CSMD1: variants seen among roughly 807,000 people sequenced by gnomAD.
CSMD1 encodes CUB and Sushi multiple domains 1, also known as CUB and sushi domain-containing protein 1.
Under a neutral mutation model 417.5 loss-of-function variants are expected in CSMD1, and 213 were observed. The ratio of observed to expected loss-of-function variants is 0.51; its 90% confidence interval spans 0.46 to 0.57. The LOEUF is 0.57. Among genes scored for constraint, CSMD1 ranks in the 20% least tolerant of loss-of-function variants. CSMD1 has a pLI of 0.00. For missense variants in CSMD1, 6,923 were observed against 4,529.7 expected (o/e 1.53, Z -15.17); for synonymous variants, 2,862 against 1,736.8 (o/e 1.65, Z -16.11).
At chr8:4,181,672 T>A (rs1000822061) in intron 3 of CSMD1, among the ~76,000 whole-genome samples, 1 of 152,182 alleles carries the variant, frequency 6.6e-6, no homozygotes, top group Admixed American at 6.5e-5. Flanking sequence ...CAGAATAATA[T>A]TGACTCAATT....
chr8:4,520,388 T>A (rs1208486914), intron 2 of CSMD1, among the ~76,000 whole-genome samples: 2 of 152,306 alleles, frequency 1.3e-5, no homozygotes, highest in East Asian at 1.9e-4. Context: ...TTTCTTCATA[T>A]AATGTTGGCT....
intron 1 of CSMD1, among the ~76,000 whole-genome samples, chr8:4,711,342 T>C (rs1012372740): frequency 5.9e-5 from 9 of 152,196 alleles, no homozygotes; most frequent in African/African-American, 1.9e-4. Context: ...GTTTTGACTA[T>C]TTATTGATAG....
intron 23 of CSMD1, among the ~76,000 whole-genome samples, chr8:3,308,732 G>GTTTTTTTTTTTTTTTTTTTTTTTTT (rs5888961): frequency 1.8e-5 from 2 of 108,930 alleles, no homozygotes; most frequent in Non-Finnish European, 1.7e-5. Context: ...CTACTTACAA[G>GTTTTTTTTTTTTTTTTTTTTTTTTT]TTTTTTTTTT....
In CSMD1 at chr8:3,352,645, G is replaced by C. The variant is rs529427193; in HGVS notation, c.3305-4484C>G. On this transcript the variant is annotated intron_variant, in intron 21 of 69. Coordinates refer to ENST00000635120, the MANE Select transcript of CSMD1 (RefSeq NM_033225.6). ...ACCTGAAGTCAGGAGTTCAAGACCA[G>C]CCTGGCCAACATGGTGAAACCCTAT... 1.1e-4 allele frequency among the ~76,000 whole-genome samples: 16 copies of C among 152,244 alleles called. No individual in the cohort carries two copies. The South Asian group carries it at 3.3e-3, about 32-fold the overall frequency.
intron 1 of CSMD1, among the ~76,000 whole-genome samples, chr8:4,887,880 G>A (rs1455984259): frequency 6.6e-6 from 1 of 151,878 alleles, no homozygotes; most frequent in Non-Finnish European, 1.5e-5. Flanking sequence ...TTTGCATAAT[G>A]CGTTAGTTTT....
chr8:4,861,605 G>C (rs1802137905), intron 1 of CSMD1, among the ~76,000 whole-genome samples: 1 of 152,052 alleles, frequency 6.6e-6, no homozygotes, highest in Non-Finnish European at 1.5e-5. Context: ...TTTGAACAGA[G>C]GCTGTGGATA....
chr8:3,787,686 G>A (rs553707155), intron 5 of CSMD1, among the ~76,000 whole-genome samples: 128 of 152,238 alleles, frequency 8.4e-4, no homozygotes, highest in South Asian at 2.9e-3. Flanking sequence ...ACAAATTATT[G>A]TAAGTTTTCA....
At chr8:3,509,614 G>T (rs941311491) in intron 10 of CSMD1, among the ~76,000 whole-genome samples, 1 of 152,152 alleles carries the variant, frequency 6.6e-6, no homozygotes. Context: ...GGATATAACA[G>T]ATCTAATCTG....
At chr8:4,111,857 A>G (rs2130912614) in intron 3 of CSMD1, among the ~76,000 whole-genome samples, 1 of 152,290 alleles carries the variant, frequency 6.6e-6, no homozygotes, top group Non-Finnish European at 1.5e-5. Context: ...GGTGCCGCAA[A>G]CCAACATGGC....
intron 1 of CSMD1, among the ~76,000 whole-genome samples, chr8:4,678,975 G>T (rs1202200040): frequency 6.6e-6 from 1 of 152,144 alleles, no homozygotes; most frequent in East Asian, 1.9e-4. Context: ...TAAGAGTTGT[G>T]TGCTGCCGAC....
intron 7 of CSMD1, among the ~76,000 whole-genome samples, chr8:3,618,302 G>C (rs796416482): frequency 7.2e-5 from 11 of 152,192 alleles, no homozygotes; most frequent in African/African-American, 2.6e-4. Context: ...ACCACACCCA[G>C]TCAAAATTTA....
intron 3 of CSMD1, among the ~76,000 whole-genome samples, chr8:4,286,717 T>G (rs1407974555): frequency 1.3e-5 from 2 of 152,188 alleles, no homozygotes; most frequent in Non-Finnish European, 2.9e-5. Context: ...TGTATGCAGC[T>G]CACACGGTAG....
At chr8:3,600,950 T>A (rs1316686789) in intron 8 of CSMD1, among the ~76,000 whole-genome samples, 1 of 152,228 alleles carries the variant, frequency 6.6e-6, no homozygotes, top group Non-Finnish European at 1.5e-5. Flanking sequence ...AGGAATTGAT[T>A]GCAATGTCAA....
intron 1 of CSMD1, among the ~76,000 whole-genome samples, chr8:4,951,085 A>AT (rs1338820225): frequency 6.6e-6 from 1 of 152,108 alleles, no homozygotes; most frequent in Non-Finnish European, 1.5e-5. Context: ...GAAGAATGAG[A>AT]TTTAGACAAT....
intron 1 of CSMD1, among the ~76,000 whole-genome samples, chr8:4,645,758 T>G (rs1803480891): frequency 6.6e-6 from 1 of 152,174 alleles, no homozygotes; most frequent in South Asian, 2.1e-4. Flanking sequence ...ACGTGAAAGA[T>G]GATGAGTGGG....
intron 1 of CSMD1, among the ~76,000 whole-genome samples, chr8:4,921,454 T>A (rs916866852): frequency 2.6e-5 from 4 of 152,254 alleles, no homozygotes; most frequent in African/African-American, 9.6e-5. Context: ...AAGATAAGAA[T>A]GTCTTTATAC....
chr8:4,962,199 A>T lies in CSMD1; in HGVS notation c.85+32133T>A, dbSNP rs541761282. ...AATGTAAATTTCTGCTTTTTTTTTAAAAAAAAAAGAAAAAAACAAATATTT... is the reference window on the plus strand; with the variant it reads ...AATGTAAATTTCTGCTTTTTTTTTATAAAAAAAAGAAAAAAACAAATATTT... On this transcript the variant is annotated intron_variant, in intron 1 of 69. Transcript: ENST00000635120. 3.8e-3 allele frequency among the ~76,000 whole-genome samples: 464 copies of T among 121,556 alleles called. 5 individuals are homozygous for T. The highest frequency in any genetic ancestry group is 0.017 in the African/African-American group (422 of 25,010). 79.7% of individuals were successfully genotyped at this position (121,556 alleles called of 152,430 possible).
chr8:3,456,809 GGC>G (rs1441000889), intron 12 of CSMD1, among the ~76,000 whole-genome samples: 11 of 152,152 alleles, frequency 7.2e-5, no homozygotes, highest in African/African-American at 2.7e-4. Context: ...GGCTACTAAA[GGC>G]CAGGGGTATT....
intron 39 of CSMD1, among the ~76,000 whole-genome samples, chr8:3,152,626 T>C (rs1310968157): frequency 6.6e-6 from 1 of 152,224 alleles, no homozygotes; most frequent in East Asian, 1.9e-4. Flanking sequence ...ATATTCTGGA[T>C]TTCAAACATT....
Sources: gnomAD v4.1 joint callset for allele counts (sites outside exome capture counted in the v4.1 genomes callset) on GRCh38, gnomAD v4.1.1 for gene constraint, MANE v1.5 for transcripts, NCBI Gene and HGNC (gene_info 2026-07-23, HGNC 2026-07-21) for gene names.